DPYD: variants seen among roughly 807,000 people sequenced by gnomAD.
The protein encoded by DPYD is dihydropyrimidine dehydrogenase, also known as dihydropyrimidine dehydrogenase [NADP(+)].
Under a neutral mutation model 116.2 loss-of-function variants are expected in DPYD, and 109 were observed. The observed-to-expected ratio is 0.94, with a 90% CI of 0.80 to 1.10. The LOEUF (loss-of-function observed/expected upper bound fraction) is 1.10. Ranked by LOEUF, DPYD falls within the 50% of genes least tolerant of loss-of-function variation. The pLI is 0.00. For missense variants in DPYD, 1,302 were observed against 1,254.5 expected (o/e 1.04, Z -0.57); for synonymous variants, 440 against 432.0 (o/e 1.02, Z -0.23).
chr1:97,380,211 C>T (rs1671869124), intron 15 of DPYD, among the ~76,000 whole-genome samples: 2 of 152,180 alleles, frequency 1.3e-5, no homozygotes, highest in Admixed American at 6.5e-5. Context: ...CTGATTGCTC[C>T]CTATTACTCA....
At chr1:97,314,103 C>T (rs1348753473) in intron 16 of DPYD, among the ~76,000 whole-genome samples, 1 of 151,942 alleles carries the variant, frequency 6.6e-6, no homozygotes, top group Non-Finnish European at 1.5e-5. Context: ...TGCTCTCCAT[C>T]AGTGAGCTAA....
intron 18 of DPYD, among the ~76,000 whole-genome samples, chr1:97,300,347 T>C (rs1289994638): frequency 3.9e-5 from 6 of 152,162 alleles, no homozygotes. Context: ...CTCTTATCGA[T>C]CAAGATGATT....
At chr1:97,378,014 ACTT>A (rs1377276654) in intron 15 of DPYD, among the ~76,000 whole-genome samples, 1 of 151,988 alleles carries the variant, frequency 6.6e-6, no homozygotes, top group Non-Finnish European at 1.5e-5. Flanking sequence ...TTCCCTCTTA[ACTT>A]CTTCTGTTAA....
chr1:97,905,612 A>G (rs1673574289), intron 1 of DPYD, among the ~76,000 whole-genome samples: 1 of 152,088 alleles, frequency 6.6e-6, no homozygotes, highest in South Asian at 2.1e-4. Context: ...GACATGATGT[A>G]GAGAAGTGAT....
intron 3 of DPYD, among the ~76,000 whole-genome samples, chr1:97,786,218 CAT>C (rs1667014685): frequency 6.6e-6 from 1 of 152,114 alleles, no homozygotes; most frequent in Admixed American, 6.5e-5. Context: ...TTCTCTTTTA[CAT>C]GTTTATTATT....
chr1:97,157,114 T>C (rs1373212110), intron 20 of DPYD, among the ~76,000 whole-genome samples: 2 of 94,254 alleles, frequency 2.1e-5, no homozygotes, highest in African/African-American at 8.4e-5. Context: ...CTGGGGACTG[T>C]TGTGGGGTGG....
chr1:97,310,720 C>T (rs1667460648), intron 16 of DPYD, among the ~76,000 whole-genome samples: 1 of 151,754 alleles, frequency 6.6e-6, no homozygotes, highest in Admixed American at 6.6e-5. Flanking sequence ...CATGGACTTA[C>T]TAATTAACCC....
intron 2 of DPYD, among the ~76,000 whole-genome samples, chr1:97,851,329 T>C (rs1278370228): frequency 6.6e-6 from 1 of 151,494 alleles, no homozygotes. Context: ...AAGTATTGCT[T>C]ATGATGAGGT....
At chr1:97,834,907 AT>A (rs894343091) in intron 2 of DPYD, among the ~76,000 whole-genome samples, 2 of 152,028 alleles carry the variant, frequency 1.3e-5, no homozygotes, top group Admixed American at 6.6e-5. Context: ...CTATATTCAT[AT>A]TTTTTTAATT....
At chr1:97,428,779 C>CTTT (rs11382165) in intron 14 of DPYD, among the ~76,000 whole-genome samples, 5 of 149,622 alleles carry the variant, frequency 3.3e-5, no homozygotes, top group African/African-American at 4.9e-5. Flanking sequence ...CTTAAGTTTT[C>CTTT]TTTTTTTTTT....
Position 97,920,964 on chromosome 1 carries a change from C to T in DPYD, c.-42G>A. On this transcript the variant is annotated 5_prime_UTR_variant, in exon 1 of 23. Coordinates refer to ENST00000370192, the MANE Select transcript of DPYD (RefSeq NM_000110.4). Reference sequence around the variant, plus strand: ...TCGAGTCTGCCAGTGACAAACCCTCCTTGCGTCCTCAAGCTCCAGCCAGAG... The same window carrying T: ...TCGAGTCTGCCAGTGACAAACCCTCTTTGCGTCCTCAAGCTCCAGCCAGAG... The T allele has an allele frequency of 1.3e-6, 2 of 1,563,042 alleles. No homozygotes were observed. Among genetic ancestry groups the T allele is most frequent in the South Asian group, 2.4e-5 (2 of 84,812 alleles).
chr1:97,699,284 C>T (rs1661462510), intron 6 of DPYD, 67 bp downstream of exon 6: 7 of 1,471,592 alleles, frequency 4.8e-6, no homozygotes, highest in African/African-American at 1.4e-5. Context: ...TATGAACCAA[C>T]AATATTCATA....
At chr1:97,679,824 A>T (rs1469933523) in intron 7 of DPYD, among the ~76,000 whole-genome samples, 1 of 152,140 alleles carries the variant, frequency 6.6e-6, no homozygotes, top group Non-Finnish European at 1.5e-5. Flanking sequence ...CCTGCTGACC[A>T]GGGAGGTGTC....
At chr1:97,114,505 T>C (rs528597847) in intron 20 of DPYD, among the ~76,000 whole-genome samples, 1 of 152,296 alleles carries the variant, frequency 6.6e-6, no homozygotes, top group South Asian at 2.1e-4. Context: ...TCTCCATGAA[T>C]GTCTTTGCAT....
At chr1:97,131,406 T>C (rs1228433667) in intron 20 of DPYD, among the ~76,000 whole-genome samples, 1 of 152,188 alleles carries the variant, frequency 6.6e-6, no homozygotes, top group East Asian at 1.9e-4. Flanking sequence ...GGCACCACTA[T>C]ATCAGCTAAC....
Position 97,144,957 on chromosome 1 carries a change from A to T in DPYD, c.2623-46325T>A, listed in dbSNP as rs188817742. Among the ~76,000 whole-genome samples, 22 of 152,232 alleles carry T rather than the reference A, an allele frequency of 1.4e-4. No individual in the cohort carries two copies. The East Asian group carries it at 4.1e-3, about 28-fold the overall frequency. On this transcript the variant is annotated intron_variant, in intron 20 of 22. Transcript: ENST00000370192. ...GTGGCTGAGATTGTGTGATGTGGAGAAAAGGAAGATATGCAGAGATGTTAG... is the reference window on the plus strand; with the variant it reads ...GTGGCTGAGATTGTGTGATGTGGAGTAAAGGAAGATATGCAGAGATGTTAG...
intron 18 of DPYD, among the ~76,000 whole-genome samples, chr1:97,247,148 ATT>A (rs1662774601): frequency 6.6e-6 from 1 of 152,188 alleles, no homozygotes; most frequent in Non-Finnish European, 1.5e-5. Flanking sequence ...CCATTCAACC[ATT>A]CAGTAACTAT....
intron 8 of DPYD, among the ~76,000 whole-genome samples, chr1:97,600,996 G>A (rs572394929): frequency 6.6e-6 from 1 of 152,096 alleles, no homozygotes; most frequent in African/African-American, 2.4e-5. Flanking sequence ...AACAAGGAAA[G>A]TATTAACAGC....
At chr1:97,686,026 A>G (rs1003042134) in intron 7 of DPYD, among the ~76,000 whole-genome samples, 1 of 152,188 alleles carries the variant, frequency 6.6e-6, no homozygotes, top group African/African-American at 2.4e-5. Flanking sequence ...TAGCCAAGAC[A>G]ATCCTAAGCC....
Sources: allele counts gnomAD v4.1 joint callset (sites outside exome capture counted in the v4.1 genomes callset), GRCh38; gene constraint gnomAD v4.1.1; transcripts MANE v1.5; gene names NCBI Gene and HGNC (gene_info 2026-07-23, HGNC 2026-07-21).